Variants in ANKRD36C observed in about 807,000 individuals in gnomAD.
ANKRD36C encodes ankyrin repeat domain-containing protein 36C.
Under a neutral mutation model 276.4 loss-of-function variants are expected in ANKRD36C, and 61 were observed. The observed-to-expected ratio is 0.22, with a 90% confidence interval of 0.18 to 0.27. The LOEUF (loss-of-function observed/expected upper bound fraction) is 0.27, where lower values mean the gene tolerates loss of function less well. ANKRD36C is among the 10% of genes least tolerant of loss of function. The pLI is 1.00. For synonymous variants in ANKRD36C, 483 were observed against 680.1 expected (o/e 0.71, Z 4.51); for missense variants, 1,447 against 2,032.3 (o/e 0.71, Z 5.54).
rs571476609 is a variant in ANKRD36C at position 95,889,715 on chromosome 2, C to T, written c.2959+84G>A. On this transcript the variant is annotated intron_variant, in intron 48 of 66. Transcript: ENST00000456556. Reference sequence around the variant, plus strand: ...ACTGAATCAGAACATGAAGATTTGACGAACCCCCCGCTGCTTTATTTGGTG... The same window carrying T: ...ACTGAATCAGAACATGAAGATTTGATGAACCCCCCGCTGCTTTATTTGGTG... 3.3e-4 allele frequency: 494 copies of T among 1,485,190 alleles called. 2 individuals are homozygous for T. The African/African-American group carries it at 4.5e-3, about 13-fold the overall frequency. The allele number at this position is 1,485,190 out of a possible 1,614,324, so 92.0% of individuals were successfully genotyped here.
At position 95,903,024 on chromosome 2, in the gene ANKRD36C, G is replaced by C; in HGVS notation, c.2654-3688C>G. ...TGCTTCATAGACTATACATTTACTA[G>C]TTCACAATATAAATGACAGTTTCAT... On this transcript the variant is annotated intron_variant, in intron 42 of 66. Coordinates refer to ENST00000456556, the Ensembl canonical transcript of ANKRD36C. The C allele has an allele frequency of 2.5e-6, 4 of 1,570,266 alleles. 1 individual carries two copies. In the African/African-American group the frequency reaches 4.1e-5, roughly 16 times the overall value.
chr2:95,883,741 C>T (rs893106805), intron 54 of ANKRD36C, among the ~76,000 whole-genome samples: 7 of 152,086 alleles, frequency 4.6e-5, no homozygotes, highest in African/African-American at 1.4e-4. Context: ...GTAATTTCTA[C>T]ATCAGCGGTC....
In ANKRD36C at chr2:95,891,877, A is replaced by T; in HGVS notation, c.2756-17T>A. 6.4e-7 allele frequency: 1 copy of T among 1,557,600 alleles called. No individual in the cohort carries two copies. Among genetic ancestry groups the T allele is most frequent in the South Asian group, 1.2e-5 (1 of 84,650 alleles). ...CAGAAGACACTGAAAAGTAAAAGGG[A>T]TTCATAATCACTCATATGTAAAAAT... is the stretch of plus-strand genomic sequence containing the variant. On this transcript the variant is annotated splice_polypyrimidine_tract_variant and intron_variant, in intron 44 of 66. Coordinates refer to ENST00000456556, the Ensembl canonical transcript of ANKRD36C.
intron 44 of ANKRD36C, 77 bp downstream of exon 64, chr2:95,893,456 C>A: frequency 6.6e-7 from 1 of 1,520,330 alleles, no homozygotes; most frequent in Non-Finnish European, 8.8e-7. Context: ...CGACGAGCCC[C>A]CCGCTGATTT....
chr2:95,973,997 G>T (rs1678753570), intron 6 of ANKRD36C, among the ~76,000 whole-genome samples: 1 of 151,606 alleles, frequency 6.6e-6, no homozygotes, highest in Non-Finnish European at 1.5e-5. Flanking sequence ...GCTGCAGTGA[G>T]CTATGATCAC....
intron 65 of ANKRD36C, 114 bp downstream of exon 85, chr2:95,852,012 T>A (rs79580617): frequency 1.6e-6 from 2 of 1,250,304 alleles, no homozygotes; most frequent in East Asian, 2.5e-5. Flanking sequence ...CAGATGAAAC[T>A]TTTTTGGCTT....
chr2:95,937,121 A>C (rs1424997876), intron 22 of ANKRD36C, among the ~76,000 whole-genome samples: 22 of 140,768 alleles, frequency 1.6e-4, no homozygotes, highest in East Asian at 4.2e-4. Flanking sequence ...TATGTACACA[A>C]ACTTTTTGTG....
intron 59 of ANKRD36C, among the ~76,000 whole-genome samples, chr2:95,868,201 T>C (rs1300085907): frequency 6.6e-6 from 1 of 152,200 alleles, no homozygotes; most frequent in South Asian, 2.1e-4. Flanking sequence ...TTCATACTTA[T>C]TTGCACTACA....
chr2:95,978,744 T>C (rs984107497), intron 5 of ANKRD36C, among the ~76,000 whole-genome samples: 3 of 152,088 alleles, frequency 2.0e-5, no homozygotes, highest in African/African-American at 7.2e-5. Flanking sequence ...GTCCTAATTT[T>C]GCTTATTGTT....
chr2:95,853,728 A>G, exon 64 of ANKRD36C: 1 of 1,588,674 alleles, frequency 6.3e-7, no homozygotes, highest in South Asian at 1.1e-5. Flanking sequence ...CATCTGGTCT[A>G]ATTTCTTCCT....
intron 36 of ANKRD36C, among the ~76,000 whole-genome samples, chr2:95,917,279 A>G (rs1170180098): frequency 7.3e-5 from 11 of 151,318 alleles, no homozygotes; most frequent in Admixed American, 2.6e-4. Context: ...ATATTTTTTA[A>G]GCACATATTC....
chr2:95,963,984 T>TATATATATATATATATAA (rs1678525642), intron 6 of ANKRD36C, among the ~76,000 whole-genome samples: 1 of 19,338 alleles, frequency 5.2e-5, no homozygotes, highest in Admixed American at 6.5e-4. Flanking sequence ...TATATATATA[T>TATATATATATATATATAA]ATATATATAT....
intron 44 of ANKRD36C, 72 bp downstream of exon 64, chr2:95,893,461 T>G (rs936518794): frequency 6.6e-7 from 1 of 1,524,120 alleles, no homozygotes; most frequent in Non-Finnish European, 8.8e-7. Flanking sequence ...AGCCCCCCGC[T>G]GATTTATTTG....
At chr2:95,902,820 A>C (rs1347049008) in intron 42 of ANKRD36C, 66 bp downstream of exon 54, 39 of 1,485,766 alleles carry the variant, frequency 2.6e-5, no homozygotes, top group South Asian at 1.6e-4. Flanking sequence ...CCGCTGATTT[A>C]TTCACGGAAG....
At chr2:95,912,266 C>T (rs1676950977) in exon 42 of ANKRD36C, 2 of 1,554,560 alleles carry the variant, frequency 1.3e-6, no homozygotes, top group East Asian at 2.4e-5. Flanking sequence ...TTTCTCCATC[C>T]TTTTTTTCTC....
intron 50 of ANKRD36C, among the ~76,000 whole-genome samples, chr2:95,887,402 C>T (rs980577287): frequency 1.3e-5 from 2 of 151,094 alleles, no homozygotes; most frequent in African/African-American, 4.8e-5. Flanking sequence ...CAGGTTTCCT[C>T]AGCAGAAACC....
chr2:95,851,934 TG>T (rs1340605871), intron 65 of ANKRD36C, 147 bp from the exon 86 acceptor site: 30 of 1,093,962 alleles, frequency 2.7e-5, no homozygotes, highest in Admixed American at 1.3e-4. Context: ...TTTTTCTACC[TG>T]TGTTTTGTTG....
chr2:95,912,363 G>C lies in ANKRD36C; in HGVS notation c.2580+44C>G, dbSNP rs762451008. On this transcript the variant is annotated intron_variant, in intron 41 of 66. Coordinates refer to ENST00000456556, the Ensembl canonical transcript of ANKRD36C. ...ATAATAAATAAGGTATGTTTCATAG[G>C]CTTTACGTTTACTAGCTCACAATAT... 5 of 1,602,964 alleles carry C rather than the reference G, an allele frequency of 3.1e-6. No individual in the cohort carries two copies. In the African/African-American group the frequency reaches 5.4e-5, roughly 17 times the overall value.
chr2:95,912,495 A>T, intron 40 of ANKRD36C, 60 bp from the exon 43 acceptor site: 3 of 1,601,264 alleles, frequency 1.9e-6, no homozygotes, highest in South Asian at 2.2e-5. Flanking sequence ...TTATCCATAC[A>T]TTCGCACAGT....
Sources: gnomAD v4.1 joint callset for allele counts (sites outside exome capture counted in the v4.1 genomes callset) on GRCh38, gnomAD v4.1.1 for gene constraint, MANE v1.5 for transcripts, NCBI Gene and HGNC (gene_info 2026-07-23, HGNC 2026-07-21) for gene names.